Variants in CCDC61 observed in about 807,000 individuals in gnomAD.
The protein encoded by CCDC61 is centrosomal protein CCDC61.
CCDC61 carries 55 observed loss-of-function variants against 63.0 expected under a neutral mutation model. The ratio of observed to expected loss-of-function variants is 0.87; its 90% confidence interval spans 0.70 to 1.09. The LOEUF (loss-of-function observed/expected upper bound fraction) is 1.09, where lower values mean the gene tolerates loss of function less well. CCDC61 is among the 50% of genes least tolerant of loss of function. CCDC61 has a pLI of 0.00. For synonymous variants in CCDC61, 270 were observed against 317.0 expected (o/e 0.85, Z 1.58); for missense variants, 651 against 731.4 (o/e 0.89, Z 1.27).
At position 46,015,382 on chromosome 19, in the gene CCDC61, C is replaced by A. The variant is rs778595896; in HGVS notation, c.800C>A (p.Ala267Asp). The change falls in exon 7 of 14, where the codon GCC becomes GAC. Residue 267 changes from alanine to aspartate, a missense_variant. Physicochemically the swap from Ala to Asp is moderately radical, Grantham distance 126. Coordinates refer to ENST00000595358, the MANE Select transcript of CCDC61 (RefSeq NM_001267723.2). The surrounding 1 kb of genome is among the most constrained non-coding windows in gnomAD (Gnocchi z 5.3). ...AAGGCATCGGAGCGGAGCCTGCGCG[C>A]CCGGCTGAAGACGCTGACCAGCGAG... ...EAKASERSLR[A>D]RLKTLTSELA... is the part of the protein sequence containing the mutation. 1 of 1,603,424 alleles carries A rather than the reference C, an allele frequency of 6.2e-7. No homozygotes were observed. Among genetic ancestry groups the A allele is most frequent in the South Asian group, 1.1e-5 (1 of 90,860 alleles).
intron 3 of CCDC61, among the ~76,000 whole-genome samples, chr19:46,005,519 A>G (rs1968689311): frequency 2.0e-5 from 3 of 152,116 alleles, no homozygotes. Context: ...AAATGTTGAC[A>G]CATTTCCTTA....
rs1286621474 is a variant in CCDC61, at chr19:46,006,727, G to C, written c.389+11G>C. The C allele has an allele frequency of 2.5e-6, 4 of 1,595,260 alleles. No homozygotes were observed. The highest frequency in any genetic ancestry group is 3.4e-6 in the Non-Finnish European group (4 of 1,166,382). The stretch of plus-strand genomic sequence containing the variant: ...CGTGGAGTTTGACAGGTGGGGAGAA[G>C]GGTCTGGCTCCAGGGCCAGGCTGGT... On this transcript the variant is annotated intron_variant, in intron 4 of 13. Transcript: ENST00000595358.
At position 46,018,389 on chromosome 19, in the gene CCDC61, G is replaced by A. The variant is rs906397618; in HGVS notation, c.*2G>A. ...AACCGACTGGACATGCGGTCATAAC[G>A]TGGAGAAGGGGTACTACCCCTCCAT... is the stretch of plus-strand genomic sequence containing the variant. On this transcript the variant is annotated 3_prime_UTR_variant, in exon 14 of 14. Transcript: ENST00000595358. The surrounding 1 kb of genome is among the most constrained non-coding windows in gnomAD (Gnocchi z 4.2). 27 of 1,560,382 alleles carry A rather than the reference G, an allele frequency of 1.7e-5. No individual in the cohort carries two copies. Among genetic ancestry groups the A allele is most frequent in the African/African-American group, 4.1e-5 (3 of 73,376 alleles).
chr19:45,998,896 C>A (rs1398363485), intron 1 of CCDC61, among the ~76,000 whole-genome samples: 12 of 152,116 alleles, frequency 7.9e-5, no homozygotes, highest in Non-Finnish European at 5.9e-5. Flanking sequence ...CCAGAAGTAC[C>A]CAGCCTGCAG....
rs34247024 is a variant in CCDC61 at position 46,005,791 on chromosome 19, GTT to G, written c.232-758_232-757del. 6.2e-4 allele frequency among the ~76,000 whole-genome samples: 89 copies of G among 144,292 alleles called. 1 individual carries two copies. The highest frequency in any genetic ancestry group is 3.3e-3 in the South Asian group (15 of 4,524). 94.7% of individuals were successfully genotyped at this position (144,292 alleles called of 152,430 possible). The stretch of plus-strand genomic sequence containing the variant: ...ATAACCATAGTTTTGTCTGTCAGTC[GTT>G]TTTTTTTTTCAAGTAAAAATAGTGT... On this transcript the variant is annotated intron_variant, in intron 3 of 13. Coordinates refer to ENST00000595358, the MANE Select transcript of CCDC61 (RefSeq NM_001267723.2).
chr19:46,010,178 CTTA>C (rs1568693192), intron 5 of CCDC61, among the ~76,000 whole-genome samples: 1 of 152,234 alleles, frequency 6.6e-6, no homozygotes. Context: ...GGCGGGCATT[CTTA>C]TTATCGTCCC....
chr19:46,006,728 G>A lies in CCDC61; in HGVS notation c.389+12G>A, dbSNP rs756867634. ...GTGGAGTTTGACAGGTGGGGAGAAG[G>A]GTCTGGCTCCAGGGCCAGGCTGGTG... On this transcript the variant is annotated intron_variant, in intron 4 of 13. Transcript: ENST00000595358. 3 of 1,593,512 alleles carry A rather than the reference G, an allele frequency of 1.9e-6. No homozygotes were observed. The highest frequency in any genetic ancestry group is 2.6e-6 in the Non-Finnish European group (3 of 1,165,104).
At chr19:46,001,796 G>C (rs1286063528) in intron 1 of CCDC61, among the ~76,000 whole-genome samples, 1 of 152,162 alleles carries the variant, frequency 6.6e-6, no homozygotes, top group Non-Finnish European at 1.5e-5. Context: ...ACTTGCAAAA[G>C]GTTTTGGGAC....
At position 46,016,361 on chromosome 19, in the gene CCDC61, CAAGGA is replaced by C; in HGVS notation, c.1066_1070del (p.Arg356AlafsTer45). ...TCGACCCCACGGCCTTTGTGAAAGC[CAAGGA>C]AAGGAAGCAGAGAGAGATCCAGATG... On this transcript the variant is annotated frameshift_variant, in exon 9 of 14. Transcript: ENST00000595358. LOFTEE classifies it high-confidence loss of function. This position sits in a 1 kb window ranked among gnomAD's most constrained non-coding sequence, Gnocchi z 7.2. 3.1e-6 allele frequency: 5 copies of C among 1,613,998 alleles called. No homozygotes were observed. The highest frequency in any genetic ancestry group is 4.2e-6 in the Non-Finnish European group (5 of 1,179,874).
Position 46,000,859 on chromosome 19 carries a change from G to T in CCDC61, c.-11-2149G>T, listed in dbSNP as rs1015901897. ...ACAAGGCAATGGGATGCCGAAAGGG[G>T]CTGCTCTTCGCGGGGTGGGTATGGG... is the stretch of plus-strand genomic sequence containing the variant. On this transcript the variant is annotated intron_variant, in intron 1 of 13. Transcript: ENST00000595358. 1.2e-4 allele frequency among the ~76,000 whole-genome samples: 18 copies of T among 150,680 alleles called. No homozygotes were observed. In the Admixed American group the frequency reaches 1.2e-3, roughly 10 times the overall value.
intron 1 of CCDC61, chr19:46,000,055 C>T (rs1053632996): frequency 4.1e-5 from 40 of 984,784 alleles, no homozygotes; most frequent in Non-Finnish European, 4.8e-5. Flanking sequence ...ATGGAGGATG[C>T]AGGTAGAGGG....
chr19:46,008,322 CAG>C (rs1600647703), intron 5 of CCDC61, 21 bp downstream of exon 5: 7 of 819,378 alleles, frequency 8.5e-6, no homozygotes, highest in African/African-American at 1.8e-5. Flanking sequence ...GAGGGGTGGG[CAG>C]CTGGGGCGGG....
At chr19:46,002,975 T>G in intron 1 of CCDC61, 33 bp from the exon 2 acceptor site, 1 of 1,550,788 alleles carries the variant, frequency 6.4e-7, no homozygotes, top group Non-Finnish European at 8.7e-7. Context: ...GGCTCTGAGC[T>G]CCTCTAGGTT....
In CCDC61 at chr19:46,016,116, A is replaced by G. The variant is rs2146487642; in HGVS notation, c.908A>G (p.Glu303Gly). The G allele has an allele frequency of 8.1e-7, 1 of 1,227,958 alleles. No individual in the cohort carries two copies. The highest frequency in any genetic ancestry group is 1.0e-6 in the Non-Finnish European group (1 of 995,008). 76.1% of individuals were successfully genotyped at this position (1,227,958 alleles called of 1,614,324 possible). Reference sequence around the variant, plus strand: ...GAGGACCGGGCCTCATCGTCCCGGGAGCGCTCCGCGTCGCGAGGCCGCGGC... The same window carrying G: ...GAGGACCGGGCCTCATCGTCCCGGGGGCGCTCCGCGTCGCGAGGCCGCGGC... ...TREDRASSSRERSASRGRGAA... is the reference protein window; with the variant it reads ...TREDRASSSRGRSASRGRGAA... Residue 303 changes from glutamate (E) to glycine (G), a missense_variant, in exon 8 of 14, where the codon GAG (glutamate) becomes GGG (glycine). Coordinates refer to ENST00000595358, the MANE Select transcript of CCDC61 (RefSeq NM_001267723.2). This position sits in a 1 kb window ranked among gnomAD's most constrained non-coding sequence, Gnocchi z 7.2.
chr19:46,015,986 G>A lies in CCDC61; in HGVS notation c.846-68G>A. On this transcript the variant is annotated intron_variant, in intron 7 of 13. Coordinates refer to ENST00000595358, the MANE Select transcript of CCDC61 (RefSeq NM_001267723.2). The surrounding 1 kb of genome is among the most constrained non-coding windows in gnomAD (Gnocchi z 5.3). ...CTGAGGGTTCGGAGAAGGTGCGGTC[G>A]GGGAGGAGTCTCGCGATTGAGTTTG... is the stretch of plus-strand genomic sequence containing the variant. 8.2e-7 allele frequency: 1 copy of A among 1,213,398 alleles called. No individual in the cohort carries two copies. The highest frequency in any genetic ancestry group is 1.0e-6 in the Non-Finnish European group (1 of 972,180). The allele number at this position is 1,213,398 out of a possible 1,614,324, so 75.2% of individuals were successfully genotyped here.
intron 3 of CCDC61, among the ~76,000 whole-genome samples, chr19:46,004,986 G>A (rs376310728): frequency 6.7e-4 from 101 of 151,500 alleles, no homozygotes; most frequent in African/African-American, 1.8e-3. Flanking sequence ...CTACAGGCCT[G>A]CCCACCATGC....
Position 46,003,079 on chromosome 19 carries a change from C to G in CCDC61, c.61C>G (p.Arg21Gly). The G allele has an allele frequency of 2.5e-6, 4 of 1,608,680 alleles. No homozygotes were observed. The highest frequency in any genetic ancestry group is 3.4e-6 in the Non-Finnish European group (4 of 1,177,730). ...CTTCCGGGGTGTGGAGCATGCCGTGCGGGTGATGGTTTCTGGGCAGGTGCT... is the reference window on the plus strand; with the variant it reads ...CTTCCGGGGTGTGGAGCATGCCGTGGGGGTGATGGTTTCTGGGCAGGTGCT... ...YVFRGVEHAV[R>G]VMVSGQVLEL... Residue 21 changes from arginine (R) to glycine (G), a missense_variant, in exon 2 of 14, where the codon CGG (arginine) becomes GGG (glycine). Physicochemically the swap from Arg to Gly is moderately radical, Grantham distance 125. Transcript: ENST00000595358.
In CCDC61 at chr19:46,016,435, C is replaced by G. The variant is rs565262404; in HGVS notation, c.1091+42C>G. ...CCCTCACCTGCCCCTGTCCCTGGCC[C>G]GTGCCCGCTCCCGGGCTCTCATCTC... On this transcript the variant is annotated intron_variant, in intron 9 of 13. Transcript: ENST00000595358. The surrounding 1 kb of genome is among the most constrained non-coding windows in gnomAD (Gnocchi z 7.2). 31 of 1,602,072 alleles carry G rather than the reference C, an allele frequency of 1.9e-5. No homozygotes were observed. In the African/African-American group the frequency reaches 2.1e-4, roughly 11 times the overall value.
At chr19:46,017,185 C>T (rs1968960827) in intron 11 of CCDC61, 62 bp from the exon 12 acceptor site, 7 of 1,538,844 alleles carry the variant, frequency 4.5e-6, no homozygotes, top group Non-Finnish European at 6.2e-6. Context: ...CCACAAAGGT[C>T]GGGGAGGTGG....
Sources: allele counts gnomAD v4.1 joint callset (sites outside exome capture counted in the v4.1 genomes callset), GRCh38; gene constraint gnomAD v4.1.1; non-coding constraint Gnocchi (gnomAD v3.1); transcripts MANE v1.5; gene names NCBI Gene and HGNC (gene_info 2026-07-23, HGNC 2026-07-21).